SGCZ: variants seen among roughly 807,000 people sequenced by gnomAD.
SGCZ encodes sarcoglycan zeta.
A neutral mutation model predicts 41.3 loss-of-function variants in SGCZ; 40 were observed. The observed-to-expected ratio is 0.97, with a 90% CI of 0.75 to 1.26. The LOEUF (loss-of-function observed/expected upper bound fraction) is 1.26, where lower values mean the gene tolerates loss of function less well. Ranked by LOEUF, SGCZ falls within the 50% of genes most tolerant of loss-of-function variation. The pLI is 0.00. For synonymous variants in SGCZ, 206 were observed against 137.5 expected, an observed-to-expected ratio of 1.50 and a Z score of -3.49; for missense variants, 552 against 369.8, an observed-to-expected ratio of 1.49 and a Z score of -4.04.
At chr8:15,012,556 A>G (rs1260666472) in intron 1 of SGCZ, among the ~76,000 whole-genome samples, 2 of 106,152 alleles carry the variant, frequency 1.9e-5, no homozygotes, top group East Asian at 5.1e-4. Context: ...GAATATTTAT[A>G]TATAACATAT....
intron 4 of SGCZ, among the ~76,000 whole-genome samples, chr8:14,190,010 C>CTTTTTTTTTTTTT (rs1397799185): frequency 1.5e-4 from 10 of 68,490 alleles, no homozygotes; most frequent in South Asian, 7.3e-4. Flanking sequence ...TTCTTTCTTT[C>CTTTTTTTTTTTTT]TTTCTTTTTT....
At chr8:14,479,078 T>C (rs1801446594) in intron 2 of SGCZ, among the ~76,000 whole-genome samples, 2 of 152,140 alleles carry the variant, frequency 1.3e-5, no homozygotes, top group African/African-American at 4.8e-5. Flanking sequence ...TAGAGTTTAT[T>C]AAGAAGTATT....
At chr8:14,543,052 T>C (rs772126930) in intron 2 of SGCZ, among the ~76,000 whole-genome samples, 21 of 151,906 alleles carry the variant, frequency 1.4e-4, no homozygotes, top group Non-Finnish European at 2.4e-4. Context: ...TATTGACTGG[T>C]TTTACTTTAA....
chr8:14,114,185 G>C (rs983696734), intron 5 of SGCZ, among the ~76,000 whole-genome samples: 1 of 151,982 alleles, frequency 6.6e-6, no homozygotes, highest in Admixed American at 6.6e-5. Flanking sequence ...TTAAGGATCA[G>C]TAAATTAAAG....
chr8:14,393,590 A>G (rs1299396380), intron 2 of SGCZ, among the ~76,000 whole-genome samples: 1 of 152,192 alleles, frequency 6.6e-6, no homozygotes, highest in Non-Finnish European at 1.5e-5. Context: ...ATTTCGGTGC[A>G]TTCACCATCA....
At chr8:14,186,931 A>C (rs1303368251) in intron 4 of SGCZ, among the ~76,000 whole-genome samples, 1 of 152,154 alleles carries the variant, frequency 6.6e-6, no homozygotes, top group African/African-American at 2.4e-5. Flanking sequence ...TATTCCTGGA[A>C]AAAAGTTGGG....
chr8:14,892,629 A>T (rs905136570), intron 1 of SGCZ, among the ~76,000 whole-genome samples: 3 of 152,224 alleles, frequency 2.0e-5, no homozygotes, highest in Non-Finnish European at 2.9e-5. Flanking sequence ...TGATAGAACA[A>T]TAAATATGCA....
rs560027134 is a variant in SGCZ at position 15,033,884 on chromosome 8, G to A, written c.39+203701C>T. Among the ~76,000 whole-genome samples, 13 of 152,228 alleles carry A rather than the reference G, an allele frequency of 8.5e-5. No individual in the cohort carries two copies. In the South Asian group the frequency reaches 2.3e-3, roughly 27 times the overall value. On this transcript the variant is annotated intron_variant, in intron 1 of 7. Transcript: ENST00000382080. ...CAGACCCATCAGACCAACCTCCAAA[G>A]GACTCCCACATCAAGCCAGCATGCA...
chr8:14,282,500 C>G (rs146635693), intron 3 of SGCZ, among the ~76,000 whole-genome samples: 9 of 152,240 alleles, frequency 5.9e-5, no homozygotes, highest in African/African-American at 2.2e-4. Flanking sequence ...TCACTCTCTT[C>G]CTCAGCACCC....
At chr8:14,678,088 T>C (rs899771532) in intron 1 of SGCZ, among the ~76,000 whole-genome samples, 1 of 152,082 alleles carries the variant, frequency 6.6e-6, no homozygotes, top group African/African-American at 2.4e-5. Flanking sequence ...AACTGTAAAA[T>C]TTCAAGTAAC....
chr8:14,339,978 A>G (rs1802646576), intron 2 of SGCZ, among the ~76,000 whole-genome samples: 1 of 152,196 alleles, frequency 6.6e-6, no homozygotes, highest in Non-Finnish European at 1.5e-5. Flanking sequence ...GTAAAGCATA[A>G]CAGAGGAACA....
intron 1 of SGCZ, among the ~76,000 whole-genome samples, chr8:15,127,229 T>C (rs1292573634): frequency 2.2e-5 from 3 of 137,816 alleles, no homozygotes; most frequent in Non-Finnish European, 4.7e-5. Flanking sequence ...GAAACATCTA[T>C]AGGCACACAC....
At chr8:14,539,540 T>G (rs1269850584) in intron 2 of SGCZ, among the ~76,000 whole-genome samples, 1 of 151,880 alleles carries the variant, frequency 6.6e-6, no homozygotes, top group African/African-American at 2.4e-5. Context: ...TTTCATTTTT[T>G]GCTTTTTTTT....
chr8:14,696,641 C>A (rs1808972476), intron 1 of SGCZ, among the ~76,000 whole-genome samples: 1 of 152,050 alleles, frequency 6.6e-6, no homozygotes, highest in African/African-American at 2.4e-5. Context: ...TATTCAGCCT[C>A]TCTTCTGCTT....
chr8:14,568,884 A>G lies in SGCZ; in HGVS notation c.40-13958T>C, dbSNP rs574001148. On this transcript the variant is annotated intron_variant, in intron 1 of 7. Transcript: ENST00000382080. ...ATGGATGAATATGTGCAGAAAGAGTATAATTCAAGCAATTGGAAACATATT... is the reference window on the plus strand; with the variant it reads ...ATGGATGAATATGTGCAGAAAGAGTGTAATTCAAGCAATTGGAAACATATT... 3.9e-5 allele frequency among the ~76,000 whole-genome samples: 6 copies of G among 152,362 alleles called. No homozygotes were observed. The South Asian group carries it at 1.2e-3, about 32-fold the overall frequency.
Position 14,756,034 on chromosome 8 carries a change from T to C in SGCZ, c.40-201108A>G, listed in dbSNP as rs1799654452. On this transcript the variant is annotated intron_variant, in intron 1 of 7. Transcript: ENST00000382080. ...TACTAAGAAGAGTGAAAAAACAAAC[T>C]GTGCCTCGCCACTCATAAGGGATCT... Among the ~76,000 whole-genome samples the C allele has an allele frequency of 2.0e-5, 3 of 152,224 alleles. No homozygotes were observed. In the South Asian group the frequency reaches 6.2e-4, roughly 32 times the overall value.
In SGCZ at chr8:14,554,849, C is replaced by T; in HGVS notation, c.117G>A (p.Val39=). The change falls in exon 2 of 8, where the codon GTG becomes GTA. Residue 39 remains valine, a synonymous_variant. Transcript: ENST00000382080. ...PRTENAQLYP[V]GIYGWRKRCL... is the part of the protein sequence containing the mutation. ...ACCTCTTTCGCCATCCATAAATTCC[C>T]ACTGGGTAAAGTTGTGCATTCTCAG... The T allele has an allele frequency of 1.2e-6, 2 of 1,613,064 alleles. No homozygotes were observed. The highest frequency in any genetic ancestry group is 1.7e-6 in the Non-Finnish European group (2 of 1,179,508).
At chr8:14,948,014 C>G (rs1398556559) in intron 1 of SGCZ, among the ~76,000 whole-genome samples, 3 of 152,164 alleles carry the variant, frequency 2.0e-5, no homozygotes, top group Non-Finnish European at 4.4e-5. Context: ...TTGAAGAAGG[C>G]AAGCCTTCTG....
At chr8:15,031,012 A>T (rs1585491419) in intron 1 of SGCZ, among the ~76,000 whole-genome samples, 2 of 152,118 alleles carry the variant, frequency 1.3e-5, no homozygotes, top group Non-Finnish European at 2.9e-5. Context: ...CCAGGAAATA[A>T]ATCCGAATTT....
Sources: gnomAD v4.1 joint callset for allele counts (sites outside exome capture counted in the v4.1 genomes callset) on GRCh38, gnomAD v4.1.1 for gene constraint, MANE v1.5 for transcripts, NCBI Gene and HGNC (gene_info 2026-07-23, HGNC 2026-07-21) for gene names.